SLC14A2: variants seen among roughly 807,000 people sequenced by gnomAD.
The protein encoded by SLC14A2 is urea transporter 2.
Under a neutral mutation model 104.6 loss-of-function variants are expected in SLC14A2, and 91 were observed. The observed-to-expected ratio is 0.87, with a 90% CI of 0.73 to 1.04. The LOEUF is 1.04. Among genes scored for constraint, SLC14A2 ranks in the 50% least tolerant of loss-of-function variants. The pLI, the probability that SLC14A2 is intolerant of heterozygous loss-of-function variation, is 0.00. For missense variants in SLC14A2, 1,189 were observed against 1,156.0 expected (o/e 1.03, Z -0.41); for synonymous variants, 476 against 466.4 (o/e 1.02, Z -0.27).
intron 1 of SLC14A2, among the ~76,000 whole-genome samples, chr18:45,387,085 C>T (rs1158294056): frequency 6.6e-6 from 1 of 152,208 alleles, no homozygotes; most frequent in East Asian, 1.9e-4. Context: ...GTTGCTACTA[C>T]TTCCATTGGG....
chr18:45,657,419 G>A lies in SLC14A2; in HGVS notation c.1352-6366G>A, dbSNP rs533215123. Among the ~76,000 whole-genome samples, 103 of 151,230 alleles carry A rather than the reference G, an allele frequency of 6.8e-4. 1 individual carries two copies. The highest frequency in any genetic ancestry group is 1.2e-3 in the East Asian group (6 of 5,148). On this transcript the variant is annotated intron_variant, in intron 10 of 19. Coordinates refer to ENST00000255226, the MANE Select transcript of SLC14A2 (RefSeq NM_007163.4). ...GGAGAATTGCTTGAACTCTGGAGGC[G>A]GAGGTTGCAGTGAGCCGAGATCACG...
At chr18:45,241,098 G>C (rs1314418106) in intron 1 of SLC14A2, among the ~76,000 whole-genome samples, 2 of 152,210 alleles carry the variant, frequency 1.3e-5, no homozygotes, top group Non-Finnish European at 2.9e-5. Flanking sequence ...AAAAGGAACA[G>C]CATGGAGCAC....
At chr18:45,236,739 CTCTT>C (rs1296709318) in intron 1 of SLC14A2, among the ~76,000 whole-genome samples, 1 of 151,972 alleles carries the variant, frequency 6.6e-6, no homozygotes, top group African/African-American at 2.4e-5. Flanking sequence ...GTACATATCT[CTCTT>C]AAACATTGTG....
intron 1 of SLC14A2, among the ~76,000 whole-genome samples, chr18:45,329,618 C>T (rs2085269933): frequency 6.6e-6 from 1 of 152,156 alleles, no homozygotes; most frequent in South Asian, 2.1e-4. Context: ...TTGCCACCAG[C>T]CTGTGTTGTT....
At chr18:45,447,177 C>G (rs1421241884) in intron 1 of SLC14A2, 2 of 152,166 alleles carry the variant, frequency 1.3e-5, no homozygotes, top group African/African-American at 2.4e-5. Context: ...GAGTATCAAG[C>G]TAGAAAATGC....
At chr18:45,237,993 A>T (rs1183280589) in intron 1 of SLC14A2, among the ~76,000 whole-genome samples, 2 of 152,182 alleles carry the variant, frequency 1.3e-5, no homozygotes, top group Non-Finnish European at 2.9e-5. Context: ...TTATTTACTG[A>T]GCAGCACCAT....
chr18:45,375,078 C>T (rs1317222004), intron 1 of SLC14A2, among the ~76,000 whole-genome samples: 12 of 152,224 alleles, frequency 7.9e-5, no homozygotes, highest in Admixed American at 7.9e-4. Flanking sequence ...CATCTTGCTT[C>T]TAACCTTTAA....
chr18:45,264,436 G>A (rs1333220814), intron 1 of SLC14A2, among the ~76,000 whole-genome samples: 2 of 152,050 alleles, frequency 1.3e-5, no homozygotes, highest in Non-Finnish European at 2.9e-5. Flanking sequence ...CTATATCACA[G>A]TATTTTTACG....
intron 1 of SLC14A2, among the ~76,000 whole-genome samples, chr18:45,368,606 A>T (rs961419329): frequency 7.2e-5 from 11 of 152,362 alleles, no homozygotes; most frequent in Middle Eastern, 3.4e-3. Flanking sequence ...TTAACAATCC[A>T]TGAAACTTCG....
At chr18:45,639,684 CT>C in intron 6 of SLC14A2, 61 bp from the exon 7 acceptor site, 2 of 1,567,520 alleles carry the variant, frequency 1.3e-6, no homozygotes, top group Non-Finnish European at 1.7e-6. Context: ...AAATCTGGCC[CT>C]GAGTCTGGTT....
At chr18:45,679,961 G>A (rs2046288208) in intron 19 of SLC14A2, among the ~76,000 whole-genome samples, 1 of 152,150 alleles carries the variant, frequency 6.6e-6, no homozygotes, top group Non-Finnish European at 1.5e-5. Context: ...CTTGGAACAG[G>A]GACCTCATCA....
intron 1 of SLC14A2, among the ~76,000 whole-genome samples, chr18:45,286,538 G>A (rs1168390125): frequency 6.6e-6 from 1 of 152,190 alleles, no homozygotes; most frequent in Non-Finnish European, 1.5e-5. Flanking sequence ...TTTTATAGAG[G>A]ACTAAAGGTG....
intron 1 of SLC14A2, among the ~76,000 whole-genome samples, chr18:45,276,725 A>C (rs749307963): frequency 6.6e-6 from 1 of 152,262 alleles, no homozygotes; most frequent in African/African-American, 2.4e-5. Flanking sequence ...TAACTGAATT[A>C]TCATCAAGTA....
chr18:45,542,390 G>C (rs527418084), intron 2 of SLC14A2: 2 of 151,924 alleles, frequency 1.3e-5, no homozygotes, highest in African/African-American at 4.8e-5. Context: ...AAAGGTATTC[G>C]AGTAGAATTT....
At chr18:45,500,832 G>A (rs1304153243) in intron 2 of SLC14A2, among the ~76,000 whole-genome samples, 1 of 152,164 alleles carries the variant, frequency 6.6e-6, no homozygotes, top group Non-Finnish European at 1.5e-5. Context: ...ATCTGGTTTC[G>A]GGAAGAGGTG....
intron 19 of SLC14A2, among the ~76,000 whole-genome samples, chr18:45,681,448 C>T (rs755834189): frequency 1.3e-5 from 2 of 152,190 alleles, no homozygotes; most frequent in Non-Finnish European, 2.9e-5. Flanking sequence ...GTTGCAGGCT[C>T]ATTGTTAGCA....
intron 1 of SLC14A2, among the ~76,000 whole-genome samples, chr18:45,325,126 T>C (rs746778590): frequency 6.6e-6 from 1 of 152,184 alleles, no homozygotes; most frequent in Admixed American, 6.5e-5. Context: ...CTTAAAACAA[T>C]GAAAATTTAG....
Position 45,624,663 on chromosome 18 carries a change from G to GTA in SLC14A2, c.-2_-1insTA. ...ATAGAAGAGTGGCTGTGACCCGAAG[G>GTA]AATGTCTGACCCCCACAGCAGTCCT... On this transcript the variant is annotated 5_prime_UTR_variant, in exon 2 of 20. The change creates a premature stop within an existing upstream ORF in the 5' untranslated region. Coordinates refer to ENST00000255226, the MANE Select transcript of SLC14A2 (RefSeq NM_007163.4). 6.2e-7 allele frequency: 1 copy of GTA among 1,609,060 alleles called. No individual in the cohort carries two copies. Among genetic ancestry groups the GTA allele is most frequent in the South Asian group, 1.1e-5 (1 of 90,074 alleles).
rs529206299 is a variant in SLC14A2 at position 45,213,976 on chromosome 18, C to T, written c.-125+785C>T. ...TACCTATATGATCAATAGAAATGGC[C>T]GAGCTTTCTGCCTAAGCATTCCCCA... On this transcript the variant is annotated intron_variant, in intron 1 of 20. Transcript: ENST00000586448. Among the ~76,000 whole-genome samples, 26 of 152,128 alleles carry T rather than the reference C, an allele frequency of 1.7e-4. 1 individual carries two copies. Among genetic ancestry groups the T allele is most frequent in the African/African-American group, 1.9e-4 (8 of 41,468 alleles).
Sources: allele counts gnomAD v4.1 joint callset (sites outside exome capture counted in the v4.1 genomes callset), GRCh38; gene constraint gnomAD v4.1.1; transcripts MANE v1.5; gene names NCBI Gene and HGNC (gene_info 2026-07-23, HGNC 2026-07-21).